PRKG1: variants seen among roughly 807,000 people sequenced by gnomAD.
PRKG1 encodes protein kinase cGMP-dependent 1, also known as cGMP-dependent protein kinase 1.
PRKG1 carries 35 observed loss-of-function variants against 88.1 expected under a neutral mutation model. That is an observed-to-expected ratio of 0.40 (90% CI 0.30 to 0.53). The LOEUF is 0.53. Ranked by LOEUF, PRKG1 falls within the 20% of genes least tolerant of loss-of-function variation. The pLI is 0.59. For synonymous variants in PRKG1, 303 were observed against 292.5 expected, an observed-to-expected ratio of 1.04 and a Z score of -0.37; for missense variants, 540 against 839.8, an observed-to-expected ratio of 0.64 and a Z score of 4.41.
intron 3 of PRKG1, among the ~76,000 whole-genome samples, chr10:51,536,694 C>T (rs530008933): frequency 1.2e-3 from 186 of 151,894 alleles, no homozygotes; most frequent in African/African-American, 4.1e-3. Flanking sequence ...TACATGTGCA[C>T]AATGTGCAGG....
chr10:51,894,398 A>G (rs1439973266), intron 4 of PRKG1, among the ~76,000 whole-genome samples: 1 of 152,188 alleles, frequency 6.6e-6, no homozygotes, highest in African/African-American at 2.4e-5. Flanking sequence ...AGTGGTTGAC[A>G]GGGGCTAGTT....
chr10:51,862,647 C>T (rs1463340259), intron 4 of PRKG1, among the ~76,000 whole-genome samples: 5 of 152,022 alleles, frequency 3.3e-5, no homozygotes, highest in South Asian at 2.1e-4. Context: ...TAAAAGGCAT[C>T]GAGAAAGGTC....
chr10:52,248,213 T>C (rs1023061562), intron 9 of PRKG1, among the ~76,000 whole-genome samples: 9 of 152,204 alleles, frequency 5.9e-5, no homozygotes, highest in African/African-American at 9.6e-5. Flanking sequence ...TTAGGGCCAT[T>C]ATGAACATGT....
intron 1 of PRKG1, among the ~76,000 whole-genome samples, chr10:51,106,353 G>A (rs1418018143): frequency 6.6e-6 from 1 of 152,154 alleles, no homozygotes; most frequent in African/African-American, 2.4e-5. Flanking sequence ...ACCCTCGGGA[G>A]AATACATCAT....
chr10:51,009,088 C>T (rs563686614), intron 1 of PRKG1, among the ~76,000 whole-genome samples: 1 of 152,090 alleles, frequency 6.6e-6, no homozygotes, highest in East Asian at 1.9e-4. Flanking sequence ...AAATGTGAGA[C>T]AACTTCTGTA....
At chr10:51,892,374 T>A (rs2132909998) in intron 4 of PRKG1, among the ~76,000 whole-genome samples, 1 of 152,260 alleles carries the variant, frequency 6.6e-6, no homozygotes, top group East Asian at 1.9e-4. Flanking sequence ...AAATAGTATT[T>A]TGAATATTGT....
chr10:51,670,324 A>G (rs551184068), intron 3 of PRKG1, among the ~76,000 whole-genome samples: 2 of 151,974 alleles, frequency 1.3e-5, no homozygotes, highest in South Asian at 2.1e-4. Context: ...TTTCAGCTTT[A>G]TATTGACCTT....
At position 51,659,348 on chromosome 10, in the gene PRKG1, G is replaced by C. The variant is rs74454184; in HGVS notation, c.593-145237G>C. Among the ~76,000 whole-genome samples, 6 of 152,226 alleles carry C rather than the reference G, an allele frequency of 3.9e-5. 1 individual carries two copies. In the East Asian group the frequency reaches 1.2e-3, roughly 29 times the overall value. ...ATCTGGAACAGTCAGATGCATTTTA[G>C]AGAAGAGTCTTGAGATAGCCTTCAG... On this transcript the variant is annotated intron_variant, in intron 3 of 17. Transcript: ENST00000373980.
intron 14 of PRKG1, among the ~76,000 whole-genome samples, chr10:52,284,708 C>T (rs894496938): frequency 5.9e-5 from 9 of 151,906 alleles, no homozygotes; most frequent in African/African-American, 2.2e-4. Context: ...ACTGGCTGGA[C>T]CTTGAAAAAG....
Position 52,280,748 on chromosome 10 carries a change from T to G in PRKG1, c.1404-41T>G. The G allele has an allele frequency of 4.4e-6, 7 of 1,587,652 alleles. No individual in the cohort carries two copies. The Middle Eastern group carries it at 6.7e-4, about 151-fold the overall frequency. On this transcript the variant is annotated intron_variant, in intron 12 of 17. Coordinates refer to ENST00000373980, the MANE Select transcript of PRKG1 (RefSeq NM_006258.4). ...AAAAAATAAAGCCATATTACAGAAA[T>G]TAATTTTTTATACAATTTTCATTCC...
chr10:51,730,792 G>C (rs1011919388), intron 3 of PRKG1, among the ~76,000 whole-genome samples: 1 of 152,204 alleles, frequency 6.6e-6, no homozygotes, highest in Non-Finnish European at 1.5e-5. Context: ...AATTAAACCT[G>C]TTTATTCAAA....
chr10:51,217,028 A>G (rs1427935803), intron 2 of PRKG1, among the ~76,000 whole-genome samples: 1 of 152,114 alleles, frequency 6.6e-6, no homozygotes, highest in Non-Finnish European at 1.5e-5. Flanking sequence ...TAAGAAAATG[A>G]TCTCCTGTGC....
chr10:51,115,120 C>G (rs1845083088), intron 1 of PRKG1, among the ~76,000 whole-genome samples: 2 of 151,144 alleles, frequency 1.3e-5, no homozygotes, highest in African/African-American at 4.9e-5. Flanking sequence ...TCGAGACTAG[C>G]CTGACCAACA....
In PRKG1 at chr10:51,536,307, G is replaced by GT. The variant is rs977873016; in HGVS notation, c.592+68478dup. On this transcript the variant is annotated intron_variant, in intron 3 of 17. Transcript: ENST00000373980. ...TCCATGATGATTATTGATACTGAAT[G>GT]TTTTTTTATGTTTGTTAGCCATTTG... Among the ~76,000 whole-genome samples the GT allele has an allele frequency of 9.2e-5, 14 of 152,076 alleles. 1 individual carries two copies. The South Asian group carries it at 1.9e-3, about 20-fold the overall frequency.
chr10:52,147,696 G>A (rs1269929330), intron 8 of PRKG1, among the ~76,000 whole-genome samples: 2 of 152,142 alleles, frequency 1.3e-5, no homozygotes, highest in African/African-American at 4.8e-5. Flanking sequence ...CCTGAATAAG[G>A]CAGTAGAAGT....
At chr10:51,657,238 C>T (rs1399330547) in intron 3 of PRKG1, among the ~76,000 whole-genome samples, 1 of 152,136 alleles carries the variant, frequency 6.6e-6, no homozygotes, top group Non-Finnish European at 1.5e-5. Context: ...ACCTATCCTT[C>T]AAACTCTCAT....
intron 5 of PRKG1, among the ~76,000 whole-genome samples, chr10:51,962,091 G>C (rs1248510498): frequency 6.6e-6 from 1 of 152,172 alleles, no homozygotes; most frequent in Non-Finnish European, 1.5e-5. Context: ...CAAGTTAAAG[G>C]CTTGAAAGCA....
rs542612274 is a variant in PRKG1, at chr10:51,554,018, G to A, written c.592+86182G>A. 5.0e-5 allele frequency among the ~76,000 whole-genome samples: 7 copies of A among 141,324 alleles called. 1 individual carries two copies. Among genetic ancestry groups the A allele is most frequent in the East Asian group, 2.0e-4 (1 of 4,932 alleles). 92.7% of individuals were successfully genotyped at this position (141,324 alleles called of 152,430 possible). On this transcript the variant is annotated intron_variant, in intron 3 of 17. Coordinates refer to ENST00000373980, the MANE Select transcript of PRKG1 (RefSeq NM_006258.4). ...TGTGATACGTGCATATTATATGTGC[G>A]TATGTGATACGTGTATATATTATAT...
intron 2 of PRKG1, among the ~76,000 whole-genome samples, chr10:51,256,635 AAGG>A (rs796216046): frequency 6.6e-6 from 1 of 152,156 alleles, no homozygotes; most frequent in African/African-American, 2.4e-5. Flanking sequence ...CTGGGAATTG[AAGG>A]AGGAGTAGAA....
Sources: allele counts gnomAD v4.1 joint callset (sites outside exome capture counted in the v4.1 genomes callset), GRCh38; gene constraint gnomAD v4.1.1; transcripts MANE v1.5; gene names NCBI Gene and HGNC (gene_info 2026-07-23, HGNC 2026-07-21).